The following PTP4A2 variants were observed in gnomAD, a reference collection of about 807,000 sequenced individuals.
PTP4A2 encodes the protein protein tyrosine phosphatase type IVA 2.
In PTP4A2, 2 loss-of-function variants were observed where a neutral mutation model predicts 22.9. That is an observed-to-expected ratio of 0.09 (90% confidence interval 0.04 to 0.27). The LOEUF is 0.27. PTP4A2 is among the 10% of genes least tolerant of loss of function. The probability of loss-of-function intolerance (pLI) is 1.00; values close to 1 mark genes in which losing one functional copy is unlikely to be tolerated. For synonymous variants in PTP4A2, 68 were observed against 69.1 expected, an observed-to-expected ratio of 0.98 and a Z score of 0.08; for missense variants, 103 against 205.1, an observed-to-expected ratio of 0.50 and a Z score of 3.04.
rs1281016946 is a variant in PTP4A2, at chr1:31,906,751, C to CACAT, written c.*2097_*2100dup. The CACAT allele has an allele frequency of 1.2e-4, 10 of 83,812 alleles. No individual in the cohort carries two copies. The highest frequency in any genetic ancestry group is 4.2e-4 in the African/African-American group (9 of 21,648). The allele number at this position is 83,812 out of a possible 1,614,324, so 5.2% of individuals were successfully genotyped here. ...CACTGCGCGTGCACACACACACACA[C>CACAT]ACATACACACACACACACACACACA... On this transcript the variant is annotated 3_prime_UTR_variant, in exon 6 of 6. Coordinates refer to ENST00000647444, the MANE Select transcript of PTP4A2 (RefSeq NM_080391.4).
At chr1:31,924,633 T>C (rs187284623) in intron 1 of PTP4A2, among the ~76,000 whole-genome samples, 158 of 152,354 alleles carry the variant, frequency 1.0e-3, no homozygotes, top group Non-Finnish European at 1.3e-3. Flanking sequence ...TCTACTTAAA[T>C]AAATTATTGT....
chr1:31,931,793 T>C (rs1652738779), intron 1 of PTP4A2, among the ~76,000 whole-genome samples: 3 of 152,212 alleles, frequency 2.0e-5, no homozygotes, highest in Admixed American at 1.3e-4. Context: ...CTAGAATCTA[T>C]TGTTTCTCCA....
At chr1:31,935,186 A>T (rs1424206339) in intron 1 of PTP4A2, among the ~76,000 whole-genome samples, 1 of 152,176 alleles carries the variant, frequency 6.6e-6, no homozygotes, top group Non-Finnish European at 1.5e-5. Context: ...TTTTCCAAAA[A>T]ATAAAAAACA....
At chr1:31,924,300 T>C (rs911568337) in intron 1 of PTP4A2, 1 of 152,214 alleles carries the variant, frequency 6.6e-6, no homozygotes, top group African/African-American at 2.4e-5. Flanking sequence ...CAAAGGAATT[T>C]CTGCCAAAAG....
intron 3 of PTP4A2, among the ~76,000 whole-genome samples, chr1:31,913,191 T>G (rs1007396351): frequency 1.3e-5 from 2 of 152,228 alleles, no homozygotes; most frequent in Non-Finnish European, 1.5e-5. Flanking sequence ...TTCAGAGGAC[T>G]GACAGGCCTT....
intron 1 of PTP4A2, among the ~76,000 whole-genome samples, chr1:31,930,472 G>C (rs182659590): frequency 6.6e-6 from 1 of 152,264 alleles, no homozygotes; most frequent in East Asian, 1.9e-4. Context: ...CCCAAAGAGA[G>C]TGAGGGAAAC....
At position 31,915,021 on chromosome 1, in the gene PTP4A2, A is replaced by C. The variant is rs1422940841; in HGVS notation, c.189+874T>G. ...CAAGTTATCCACAAAATATTAAGTA[A>C]CTAATCTTGTACTTGCAAAGTGGCA... is the stretch of plus-strand genomic sequence containing the variant. On this transcript the variant is annotated intron_variant, in intron 3 of 5. Coordinates refer to ENST00000647444, the MANE Select transcript of PTP4A2 (RefSeq NM_080391.4). Among the ~76,000 whole-genome samples the C allele has an allele frequency of 2.0e-5, 3 of 152,186 alleles. No individual in the cohort carries two copies. In the East Asian group the frequency reaches 5.8e-4, roughly 29 times the overall value.
intron 1 of PTP4A2, among the ~76,000 whole-genome samples, chr1:31,926,545 T>TAGCC (rs1652474373): frequency 6.6e-6 from 1 of 152,178 alleles, no homozygotes; most frequent in Admixed American, 6.6e-5. Context: ...TTCATGTCAA[T>TAGCC]AGCCACTTTT....
At chr1:31,936,049 A>G (rs1055217581) in intron 1 of PTP4A2, among the ~76,000 whole-genome samples, 5 of 151,250 alleles carry the variant, frequency 3.3e-5, no homozygotes, top group Admixed American at 2.0e-4. Context: ...TCAGCCTCCC[A>G]AAGTGCTAGG....
Position 31,908,719 on chromosome 1 carries a change from T to C in PTP4A2, c.*133A>G. 1.7e-6 allele frequency: 1 copy of C among 577,942 alleles called. No homozygotes were observed. Among genetic ancestry groups the C allele is most frequent in the Non-Finnish European group, 3.1e-6 (1 of 322,732 alleles). 35.8% of individuals were successfully genotyped at this position (577,942 alleles called of 1,614,324 possible). On this transcript the variant is annotated 3_prime_UTR_variant, in exon 6 of 6. Coordinates refer to ENST00000647444, the MANE Select transcript of PTP4A2 (RefSeq NM_080391.4). ...TTTTGTTTGCTTTTGTTCCAATCATTAGGAGAGTGGTTGAGGAGTACTGAA... is the reference window on the plus strand; with the variant it reads ...TTTTGTTTGCTTTTGTTCCAATCATCAGGAGAGTGGTTGAGGAGTACTGAA...
At chr1:31,923,491 C>T (rs1049552596) in intron 1 of PTP4A2, among the ~76,000 whole-genome samples, 18 of 151,482 alleles carry the variant, frequency 1.2e-4, no homozygotes, top group East Asian at 2.0e-4. Context: ...CCCGCTACCA[C>T]GCCCGGCTAA....
intron 5 of PTP4A2, among the ~76,000 whole-genome samples, chr1:31,909,446 TG>T (rs1424243760): frequency 1.3e-5 from 2 of 152,032 alleles, no homozygotes; most frequent in Non-Finnish European, 2.9e-5. Flanking sequence ...GAGGCCGAGG[TG>T]GGCGGATCAC....
intron 3 of PTP4A2, 117 bp downstream of exon 3, chr1:31,915,778 G>T: frequency 1.5e-6 from 1 of 661,252 alleles, no homozygotes; most frequent in Non-Finnish European, 2.6e-6. Flanking sequence ...GGGTTCAAGT[G>T]ATCTTCCCAC....
At chr1:31,932,731 G>A (rs1401741459) in intron 1 of PTP4A2, 1 of 152,220 alleles carries the variant, frequency 6.6e-6, no homozygotes, top group African/African-American at 2.4e-5. Flanking sequence ...GTATTGCTGT[G>A]CAGCTTCTTT....
At chr1:31,920,758 G>A (rs1331382431) in intron 1 of PTP4A2, among the ~76,000 whole-genome samples, 1 of 151,782 alleles carries the variant, frequency 6.6e-6, no homozygotes, top group African/African-American at 2.4e-5. Context: ...GGCTCATCTC[G>A]AACTCCTGAC....
At chr1:31,913,546 T>C (rs1341083114) in intron 3 of PTP4A2, among the ~76,000 whole-genome samples, 1 of 152,174 alleles carries the variant, frequency 6.6e-6, no homozygotes, top group African/African-American at 2.4e-5. Flanking sequence ...GTACAAGTGT[T>C]CCCTTTTCAC....
chr1:31,929,266 ACTTTCT>A (rs1289798257), intron 1 of PTP4A2, among the ~76,000 whole-genome samples: 2 of 152,246 alleles, frequency 1.3e-5, no homozygotes, highest in East Asian at 3.8e-4. Context: ...GCCAACGCCG[ACTTTCT>A]CTTTAAAAAG....
At chr1:31,929,691 A>G (rs1467510721) in intron 1 of PTP4A2, among the ~76,000 whole-genome samples, 1 of 152,188 alleles carries the variant, frequency 6.6e-6, no homozygotes, top group Non-Finnish European at 1.5e-5. Flanking sequence ...GAACAATTTA[A>G]GTCTTAATCA....
intron 3 of PTP4A2, 176 bp downstream of exon 3, chr1:31,915,719 C>T (rs2124170457): frequency 2.2e-6 from 1 of 446,282 alleles, no homozygotes; most frequent in Non-Finnish European, 4.1e-6. Context: ...TTTTAATTAT[C>T]TGTACAGATG....
Sources: gnomAD v4.1 joint callset for allele counts (sites outside exome capture counted in the v4.1 genomes callset) on GRCh38, gnomAD v4.1.1 for gene constraint, MANE v1.5 for transcripts, NCBI Gene and HGNC (gene_info 2026-07-23, HGNC 2026-07-21) for gene names.